DCDC2C: variants seen among roughly 807,000 people sequenced by gnomAD.
The protein encoded by DCDC2C is doublecortin domain-containing protein 2C.
A neutral mutation model predicts 45.0 loss-of-function variants in DCDC2C; 44 were observed. The ratio of observed to expected loss-of-function variants is 0.98; its 90% confidence interval spans 0.77 to 1.26. The LOEUF (loss-of-function observed/expected upper bound fraction) is 1.26, where lower values mean the gene tolerates loss of function less well. DCDC2C is among the 50% of genes most tolerant of loss of function. DCDC2C has a pLI of 0.00. For missense variants in DCDC2C, 447 were observed against 468.9 expected (o/e 0.95, Z 0.43); for synonymous variants, 187 against 178.8 (o/e 1.05, Z -0.37).
intron 10 of DCDC2C, among the ~76,000 whole-genome samples, chr2:3,802,491 A>G (rs748169081): frequency 6.6e-6 from 1 of 152,226 alleles, no homozygotes; most frequent in Non-Finnish European, 1.5e-5. Flanking sequence ...GCAGAATACC[A>G]TAGAGTTGCA....
At chr2:3,723,818 A>G (rs984308811) in intron 2 of DCDC2C, among the ~76,000 whole-genome samples, 5 of 152,062 alleles carry the variant, frequency 3.3e-5, no homozygotes, top group African/African-American at 1.2e-4. Context: ...TTGTAGTTGA[A>G]CAAATGGGGC....
At chr2:3,725,410 T>G (rs1470918) in intron 2 of DCDC2C, among the ~76,000 whole-genome samples, 19,907 of 27,804 alleles carry the variant, frequency 0.72, 6,464 homozygotes, top group South Asian at 0.77. Flanking sequence ...GGGCAGAGAG[T>G]GAGGAGGCTG....
At chr2:3,802,163 AT>A in intron 10 of DCDC2C, among the ~76,000 whole-genome samples, 1 of 152,340 alleles carries the variant, frequency 6.6e-6, no homozygotes, top group Middle Eastern at 3.4e-3. Context: ...GTTCAAGGCA[AT>A]TCTCCAAATA....
chr2:3,799,159 G>A (rs868343077), intron 10 of DCDC2C, among the ~76,000 whole-genome samples: 11 of 151,918 alleles, frequency 7.2e-5, no homozygotes, highest in Non-Finnish European at 1.3e-4. Flanking sequence ...CCAGTTGATC[G>A]CATCGGCTCC....
chr2:3,846,719 T>C (rs574098394), intron 10 of DCDC2C, among the ~76,000 whole-genome samples: 1 of 152,110 alleles, frequency 6.6e-6, no homozygotes, highest in South Asian at 2.1e-4. Flanking sequence ...TTCAAGAGAG[T>C]TATTCAGCAC....
At chr2:3,724,109 C>T (rs1668569708) in intron 2 of DCDC2C, among the ~76,000 whole-genome samples, 1 of 152,170 alleles carries the variant, frequency 6.6e-6, no homozygotes, top group Admixed American at 6.5e-5. Flanking sequence ...CATAAGAACT[C>T]TGTAACGCAC....
chr2:3,792,830 G>C (rs959607014), intron 10 of DCDC2C, among the ~76,000 whole-genome samples: 3 of 152,178 alleles, frequency 2.0e-5, no homozygotes, highest in African/African-American at 7.2e-5. Context: ...AACGTGAAGA[G>C]GAAAGGGACT....
At chr2:3,822,252 T>C (rs1671708360) in intron 10 of DCDC2C, among the ~76,000 whole-genome samples, 2 of 152,240 alleles carry the variant, frequency 1.3e-5, no homozygotes, top group South Asian at 2.1e-4. Context: ...CTTAGCTTTT[T>C]CTGTTTTCAT....
At chr2:3,718,910 G>A (rs142034463) in intron 2 of DCDC2C, among the ~76,000 whole-genome samples, 215 of 152,208 alleles carry the variant, frequency 1.4e-3, no homozygotes, top group Middle Eastern at 0.01. Context: ...GCTACAGAGC[G>A]CTGATTAGTG....
At chr2:3,801,166 G>A (rs962776984) in intron 10 of DCDC2C, among the ~76,000 whole-genome samples, 2 of 152,192 alleles carry the variant, frequency 1.3e-5, no homozygotes, top group African/African-American at 4.8e-5. Context: ...CAACAGTATC[G>A]CATCCCAGCA....
At chr2:3,782,027 G>T (rs941097766) in intron 9 of DCDC2C, among the ~76,000 whole-genome samples, 1 of 152,132 alleles carries the variant, frequency 6.6e-6, no homozygotes, top group Non-Finnish European at 1.5e-5. Context: ...CATTAATCAC[G>T]TTCTCCGTGT....
At position 3,818,854 on chromosome 2, in the gene DCDC2C, G is replaced by A. The variant is rs146296068; in HGVS notation, c.1066-28300G>A. Among the ~76,000 whole-genome samples the A allele has an allele frequency of 4.0e-3, 610 of 152,274 alleles. 9 individuals carry two copies. Among genetic ancestry groups the A allele is most frequent in the African/African-American group, 0.013 (555 of 41,536 alleles). Reference sequence around the variant, plus strand: ...TAGCCCAGGAATAGTCAGGGAAGTAGATAATTTAGTTAAAATGTTTCAGTT... The same window carrying A: ...TAGCCCAGGAATAGTCAGGGAAGTAAATAATTTAGTTAAAATGTTTCAGTT... On this transcript the variant is annotated intron_variant, in intron 10 of 10. Transcript: ENST00000399143. This position sits in a 1 kb window ranked among gnomAD's most constrained non-coding sequence, Gnocchi z 4.7.
intron 10 of DCDC2C, among the ~76,000 whole-genome samples, chr2:3,812,077 G>C (rs1012069987): frequency 5.9e-5 from 9 of 152,132 alleles, no homozygotes; most frequent in Admixed American, 5.9e-4. Flanking sequence ...TTTGGTATCA[G>C]AATGATGCTG....
chr2:3,762,206 T>A (rs1669897994), intron 6 of DCDC2C, among the ~76,000 whole-genome samples: 1 of 145,938 alleles, frequency 6.9e-6, no homozygotes, highest in South Asian at 2.2e-4. Context: ...ATCCATGTTG[T>A]TCTGACAAAA....
chr2:3,795,334 A>G (rs13004729), intron 10 of DCDC2C, among the ~76,000 whole-genome samples: 22 of 104,178 alleles, frequency 2.1e-4, no homozygotes, highest in Non-Finnish European at 3.1e-4. Context: ...CACTCTGATG[A>G]TAGTTTCTTT....
chr2:3,802,522 A>G lies in DCDC2C; in HGVS notation c.1065+17422A>G, dbSNP rs182717966. Among the ~76,000 whole-genome samples, 6 of 152,284 alleles carry G rather than the reference A, an allele frequency of 3.9e-5. No homozygotes were observed. In the East Asian group the frequency reaches 7.7e-4, roughly 20 times the overall value. On this transcript the variant is annotated intron_variant, in intron 10 of 10. Transcript: ENST00000399143. ...TTGCAGGCTTAAAAACAACAGAAAT[A>G]TATTCCCTCCAGTTTGGGAGGCTGG...
At chr2:3,709,146 C>G (rs775453455) in intron 2 of DCDC2C, among the ~76,000 whole-genome samples, 7 of 152,060 alleles carry the variant, frequency 4.6e-5, no homozygotes, top group Admixed American at 6.6e-5. Context: ...AGCCAGGTAG[C>G]CTGTTGATAT....
chr2:3,730,544 G>A (rs1274807487), intron 3 of DCDC2C, among the ~76,000 whole-genome samples: 2 of 152,140 alleles, frequency 1.3e-5, no homozygotes, highest in Non-Finnish European at 2.9e-5. Context: ...AGGGGAAGAA[G>A]AGAGCCCCCT....
intron 10 of DCDC2C, among the ~76,000 whole-genome samples, chr2:3,811,588 T>A (rs1007089734): frequency 3.3e-5 from 5 of 152,220 alleles, no homozygotes; most frequent in African/African-American, 9.6e-5. Context: ...TCTTGCCTGA[T>A]TGCCCTGGCC....
Sources: allele counts gnomAD v4.1 joint callset (sites outside exome capture counted in the v4.1 genomes callset), GRCh38; gene constraint gnomAD v4.1.1; non-coding constraint Gnocchi (gnomAD v3.1); transcripts MANE v1.5; gene names NCBI Gene and HGNC (gene_info 2026-07-23, HGNC 2026-07-21).